Variants in TRIM37 observed in about 807,000 individuals in gnomAD.
TRIM37 encodes the protein E3 ubiquitin-protein ligase TRIM37.
In TRIM37, 80 loss-of-function variants were observed where a neutral mutation model predicts 129.8. That is an observed-to-expected ratio of 0.62 (90% CI 0.51 to 0.74). The LOEUF is 0.74. TRIM37 is among the 30% of genes least tolerant of loss of function. The pLI is 0.00. For synonymous variants in TRIM37, 389 were observed against 387.1 expected, an observed-to-expected ratio of 1.00 and a Z score of -0.06; for missense variants, 1,054 against 1,176.5, an observed-to-expected ratio of 0.90 and a Z score of 1.52.
In TRIM37 at chr17:59,000,389, C is replaced by A. The variant is rs1048014750; in HGVS notation, c.2813-930G>T. Among the ~76,000 whole-genome samples the A allele has an allele frequency of 5.3e-5, 8 of 152,292 alleles. No individual in the cohort carries two copies. The East Asian group carries it at 1.5e-3, about 29-fold the overall frequency. Reference sequence around the variant, plus strand: ...CCAAGGTGGGCAGATCACCTGAGGTCAGGAGTTCGAGACCAGGCTGGCCAA... The same window carrying A: ...CCAAGGTGGGCAGATCACCTGAGGTAAGGAGTTCGAGACCAGGCTGGCCAA... On this transcript the variant is annotated intron_variant, in intron 23 of 23. Transcript: ENST00000262294.
At chr17:59,023,904 A>G (rs1371950503) in intron 19 of TRIM37, among the ~76,000 whole-genome samples, 1 of 152,124 alleles carries the variant, frequency 6.6e-6, no homozygotes, top group Non-Finnish European at 1.5e-5. Flanking sequence ...TAACTAATTG[A>G]AAAACTGTTA....
rs1462686875 is a variant in TRIM37, at chr17:59,049,101, CATA to C, written c.1530+74_1530+76del. 7 of 1,167,862 alleles carry C rather than the reference CATA, an allele frequency of 6.0e-6. No homozygotes were observed. In the Admixed American group the frequency reaches 7.3e-5, roughly 12 times the overall value. The allele number at this position is 1,167,862 out of a possible 1,614,324, so 72.3% of individuals were successfully genotyped here. A position where few individuals can be genotyped will look rare whatever the true frequency, so the allele number is the denominator to read the frequency against. ...ATATTTTTAGCCTACTGTTTTAGCA[CATA>C]ATATGTTAAAAGCCATGATGCTACT... On this transcript the variant is annotated intron_variant, in intron 15 of 23. Transcript: ENST00000262294.
intron 8 of TRIM37, among the ~76,000 whole-genome samples, chr17:59,075,154 A>T (rs1026068596): frequency 2.8e-4 from 43 of 152,274 alleles, no homozygotes; most frequent in African/African-American, 1.0e-3. Context: ...ATGAAGAAAA[A>T]ACTTGGCAAG....
Position 59,032,139 on chromosome 17 carries a change from T to C in TRIM37, c.1754-49A>G, listed in dbSNP as rs992977696. 4 of 1,563,166 alleles carry C rather than the reference T, an allele frequency of 2.6e-6. No individual in the cohort carries two copies. In the Admixed American group the frequency reaches 5.0e-5, roughly 20 times the overall value. On this transcript the variant is annotated intron_variant, in intron 17 of 23. Coordinates refer to ENST00000262294, the MANE Select transcript of TRIM37 (RefSeq NM_015294.6). ...ATATATATATGCACAAACTTAGCTA[T>C]ACTTAAATGAAAAAATGAACTGGTT...
chr17:58,982,990 TAA>T, intron 24 of TRIM37: 17 of 1,259,194 alleles, frequency 1.4e-5, no homozygotes, highest in African/African-American at 3.1e-5. Context: ...CTTAGCGAAG[TAA>T]AAAAAAAAGC....
intron 2 of TRIM37, among the ~76,000 whole-genome samples, chr17:59,097,766 T>A (rs1156770017): frequency 1.3e-5 from 2 of 152,040 alleles, no homozygotes; most frequent in African/African-American, 4.8e-5. Context: ...GACTTATACG[T>A]GCAAAACTAC....
intron 2 of TRIM37, among the ~76,000 whole-genome samples, chr17:59,097,105 G>A (rs1416373959): frequency 6.6e-6 from 1 of 151,842 alleles, no homozygotes; most frequent in Non-Finnish European, 1.5e-5. Context: ...GAAATAGAAG[G>A]GAACTTCCTC....
In TRIM37 at chr17:58,986,595, C is replaced by T. The variant is rs1177354511; in HGVS notation, c.2892-3674G>A. Among the ~76,000 whole-genome samples, 5 of 151,486 alleles carry T rather than the reference C, an allele frequency of 3.3e-5. No individual in the cohort carries two copies. The East Asian group carries it at 9.7e-4, about 29-fold the overall frequency. On this transcript the variant is annotated intron_variant, in intron 24 of 24. Transcript: ENST00000393066. ...TGGTGCAATCTCGGCTCACTGCAAC[C>T]TCTGCCTCCCAGGTTCAAGCAATTC... is the stretch of plus-strand genomic sequence containing the variant.
chr17:59,080,667 T>C (rs1310284726), intron 6 of TRIM37, among the ~76,000 whole-genome samples: 1 of 152,112 alleles, frequency 6.6e-6, no homozygotes, highest in Non-Finnish European at 1.5e-5. Flanking sequence ...GGTGGGCACC[T>C]GTAATCCCAG....
At chr17:59,003,657 A>C (rs1201679550) in intron 22 of TRIM37, among the ~76,000 whole-genome samples, 29 of 148,234 alleles carry the variant, frequency 2.0e-4, no homozygotes, top group Admixed American at 1.9e-3. Flanking sequence ...AAAAAAAAAA[A>C]AAAAACCTAA....
intron 12 of TRIM37, among the ~76,000 whole-genome samples, chr17:59,058,878 T>G (rs897711214): frequency 6.6e-6 from 1 of 152,038 alleles, no homozygotes; most frequent in African/African-American, 2.4e-5. Flanking sequence ...AGAAAAGAAG[T>G]ATACATTGGG....
intron 8 of TRIM37, among the ~76,000 whole-genome samples, chr17:59,072,750 A>AC (rs1333861297): frequency 1.3e-5 from 2 of 151,562 alleles, no homozygotes; most frequent in Middle Eastern, 3.4e-3. Context: ...TCTGTCTCAA[A>AC]AAAAAAAAAA....
intron 2 of TRIM37, among the ~76,000 whole-genome samples, chr17:59,091,556 CATTATATATATAATATATATAATGTAT>C: frequency 2.0e-4 from 1 of 4,898 alleles, no homozygotes; most frequent in South Asian, 4.7e-3. Flanking sequence ...ATATATTATA[CATTATATATATAATATATATAATGTAT>C]AATATATTAT....
intron 2 of TRIM37, among the ~76,000 whole-genome samples, chr17:59,102,219 G>A (rs1288798505): frequency 1.3e-5 from 2 of 152,124 alleles, no homozygotes; most frequent in Non-Finnish European, 2.9e-5. Flanking sequence ...AAACCTCAGA[G>A]TAGAGAACGA....
downstream of TRIM37, among the ~76,000 whole-genome samples, chr17:58,997,691 C>T (rs2033142671): frequency 6.6e-6 from 1 of 152,092 alleles, no homozygotes; most frequent in African/African-American, 2.4e-5. Flanking sequence ...TAACAGCAGA[C>T]TGTTCTTCAG....
intron 16 of TRIM37, among the ~76,000 whole-genome samples, chr17:59,042,776 C>G (rs1254358730): frequency 6.7e-6 from 1 of 149,310 alleles, no homozygotes; most frequent in Non-Finnish European, 1.5e-5. Flanking sequence ...GAGGACAGGA[C>G]AGGACAGGAA....
At position 58,998,755 on chromosome 17, in the gene TRIM37, A is replaced by G. The variant is rs886053172; in HGVS notation, c.*622T>C. 75 of 985,726 alleles carry G rather than the reference A, an allele frequency of 7.6e-5. No individual in the cohort carries two copies. The highest frequency in any genetic ancestry group is 6.1e-5 in the Admixed American group (1 of 16,326). The allele number at this position is 985,726 out of a possible 1,614,324, so 61.1% of individuals were successfully genotyped here. On this transcript the variant is annotated 3_prime_UTR_variant, in exon 24 of 24. Transcript: ENST00000262294. ...TTTCATTTAAAATTACATTTGTAGAAGTCACACAACAGAAAGATACCATGC... is the reference window on the plus strand; with the variant it reads ...TTTCATTTAAAATTACATTTGTAGAGGTCACACAACAGAAAGATACCATGC...
At chr17:59,022,736 TTAG>T (rs1309715147) in intron 19 of TRIM37, among the ~76,000 whole-genome samples, 1 of 152,066 alleles carries the variant, frequency 6.6e-6, no homozygotes, top group African/African-American at 2.4e-5. Flanking sequence ...CTAAACAGGT[TTAG>T]TAACCTTTAG....
At chr17:59,039,923 G>C (rs954157238) in intron 17 of TRIM37, among the ~76,000 whole-genome samples, 5 of 151,328 alleles carry the variant, frequency 3.3e-5, no homozygotes, top group African/African-American at 1.2e-4. Flanking sequence ...TTTGACACAG[G>C]GTCTCACTCT....
Sources: allele counts gnomAD v4.1 joint callset (sites outside exome capture counted in the v4.1 genomes callset), GRCh38; gene constraint gnomAD v4.1.1; transcripts MANE v1.5; gene names NCBI Gene and HGNC (gene_info 2026-07-23, HGNC 2026-07-21).